Variants in THSD7A observed in about 807,000 individuals in gnomAD.
The protein encoded by THSD7A is thrombospondin type-1 domain-containing protein 7A.
Under a neutral mutation model 231.3 loss-of-function variants are expected in THSD7A, and 96 were observed. The ratio of observed to expected loss-of-function variants is 0.41; its 90% confidence interval spans 0.35 to 0.49. The LOEUF is 0.49. THSD7A is among the 20% of genes least tolerant of loss of function. THSD7A has a pLI of 0.05. For synonymous variants in THSD7A, 940 were observed against 743.3 expected (o/e 1.26, Z -4.30); for missense variants, 2,290 against 2,070.2 (o/e 1.11, Z -2.06).
At chr7:11,423,697 T>A (rs1784227888) in intron 16 of THSD7A, among the ~76,000 whole-genome samples, 1 of 152,042 alleles carries the variant, frequency 6.6e-6, no homozygotes, top group Non-Finnish European at 1.5e-5. Flanking sequence ...GAAACCAGTG[T>A]ATTTAAAAAG....
rs555193659 is a variant in THSD7A at position 11,777,115 on chromosome 7, G to A, written c.190+54642C>T. Reference sequence around the variant, plus strand: ...AAATGACCAGAGATAATGTGCGAGCGAAAAATGCAAAAAGTATATAAATTG... The same window carrying A: ...AAATGACCAGAGATAATGTGCGAGCAAAAAATGCAAAAAGTATATAAATTG... On this transcript the variant is annotated intron_variant, in intron 1 of 27. Transcript: ENST00000423059. Among the ~76,000 whole-genome samples, 207 of 152,056 alleles carry A rather than the reference G, an allele frequency of 1.4e-3. 1 individual carries two copies. Among genetic ancestry groups the A allele is most frequent in the East Asian group, 5.8e-4 (3 of 5,160 alleles).
In THSD7A at chr7:11,446,124, G is replaced by C. The variant is rs1784961039; in HGVS notation, c.3001C>G (p.Gln1001Glu). 2.5e-6 allele frequency: 4 copies of C among 1,613,290 alleles called. No individual in the cohort carries two copies. Among genetic ancestry groups the C allele is most frequent in the Non-Finnish European group, 3.4e-6 (4 of 1,179,596 alleles). ...IKECGQGYRY[Q>E]AMACYDQNGR... ...TTTTGATCGTAGCATGCCATTGCTT[G>C]GTAACGATATCCTTGTCCGCATTCC... Residue 1001 changes from glutamine to glutamate, a missense_variant, in exon 13 of 28, where the codon CAA becomes GAA. Gln to Glu is a conservative substitution (Grantham distance 29). Transcript: ENST00000423059. The surrounding 1 kb of genome is among the most constrained non-coding windows in gnomAD (Gnocchi z 4.0).
intron 4 of THSD7A, among the ~76,000 whole-genome samples, chr7:11,551,432 T>C (rs539312511): frequency 4.1e-4 from 63 of 152,146 alleles, no homozygotes; most frequent in African/African-American, 1.4e-3. Flanking sequence ...AGAGAAAATA[T>C]TGCAAAGTAT....
At chr7:11,633,007 C>T (rs1269991595) in intron 2 of THSD7A, among the ~76,000 whole-genome samples, 2 of 152,136 alleles carry the variant, frequency 1.3e-5, no homozygotes, top group African/African-American at 4.8e-5. Context: ...TTCTCTATGT[C>T]ATTGACTCTT....
chr7:11,644,383 G>C (rs1263276807), intron 1 of THSD7A, among the ~76,000 whole-genome samples: 1 of 151,840 alleles, frequency 6.6e-6, no homozygotes, highest in East Asian at 1.9e-4. Flanking sequence ...ATAGATTTTT[G>C]AATATACAAA....
chr7:11,479,003 C>T (rs933932396), intron 7 of THSD7A, among the ~76,000 whole-genome samples: 1 of 152,114 alleles, frequency 6.6e-6, no homozygotes, highest in African/African-American at 2.4e-5. Flanking sequence ...TGCTTAAAAT[C>T]GACAGATAGA....
chr7:11,520,308 T>C (rs1788209257), intron 6 of THSD7A: 1 of 152,194 alleles, frequency 6.6e-6, no homozygotes. Flanking sequence ...TATAAATCCT[T>C]TGGAGGGCTG....
Position 11,824,576 on chromosome 7 carries a change from A to T in THSD7A, c.190+7181T>A, listed in dbSNP as rs148408537. Among the ~76,000 whole-genome samples the T allele has an allele frequency of 1.8e-3, 279 of 152,262 alleles. 1 individual carries two copies. Among genetic ancestry groups the T allele is most frequent in the African/African-American group, 6.1e-3 (252 of 41,580 alleles). On this transcript the variant is annotated intron_variant, in intron 1 of 27. Coordinates refer to ENST00000423059, the MANE Select transcript of THSD7A (RefSeq NM_015204.3). Reference sequence around the variant, plus strand: ...CCAGATAGTTGTGTATAATTTTCAGAAGGAGTGACCTAAGTTACTCCAGTT... The same window carrying T: ...CCAGATAGTTGTGTATAATTTTCAGTAGGAGTGACCTAAGTTACTCCAGTT...
At chr7:11,494,951 C>T (rs1002244693) in intron 6 of THSD7A, among the ~76,000 whole-genome samples, 1 of 151,904 alleles carries the variant, frequency 6.6e-6, no homozygotes, top group Non-Finnish European at 1.5e-5. Flanking sequence ...TGGAAATAAT[C>T]AAATGTATGA....
chr7:11,497,885 G>A (rs1312442519), intron 6 of THSD7A, among the ~76,000 whole-genome samples: 1 of 152,160 alleles, frequency 6.6e-6, no homozygotes, highest in East Asian at 1.9e-4. Context: ...CCTGCCCAGG[G>A]AAGTGATGAG....
chr7:11,771,285 T>C (rs1297576229), intron 1 of THSD7A, among the ~76,000 whole-genome samples: 2 of 151,760 alleles, frequency 1.3e-5, no homozygotes, highest in Admixed American at 1.3e-4. Context: ...ATAATAAAGA[T>C]GAATAAGTGA....
At position 11,814,654 on chromosome 7, in the gene THSD7A, A is replaced by G. The variant is rs1784626054; in HGVS notation, c.190+17103T>C. 1.3e-5 allele frequency among the ~76,000 whole-genome samples: 2 copies of G among 152,180 alleles called. No homozygotes were observed. Among genetic ancestry groups the G allele is most frequent in the South Asian group, 4.1e-4 (2 of 4,830 alleles). The stretch of plus-strand genomic sequence containing the variant: ...GAAGCAGTTCAAAACCAGTTCTCTT[A>G]TACAATGAGCCAAGAGAACTAAAGA... On this transcript the variant is annotated intron_variant, in intron 1 of 27. Transcript: ENST00000423059. The surrounding 1 kb of genome is among the most constrained non-coding windows in gnomAD (Gnocchi z 5.1).
At chr7:11,555,501 T>C (rs1789807766) in intron 4 of THSD7A, among the ~76,000 whole-genome samples, 1 of 151,888 alleles carries the variant, frequency 6.6e-6, no homozygotes, top group African/African-American at 2.4e-5. Context: ...TCTATTTTGG[T>C]ATATGTTTCA....
chr7:11,654,742 C>T (rs745472977), intron 1 of THSD7A, among the ~76,000 whole-genome samples: 5 of 151,846 alleles, frequency 3.3e-5, no homozygotes, highest in African/African-American at 4.8e-5. Flanking sequence ...TTTGAAGACA[C>T]ATGCAGATGA....
chr7:11,392,231 C>T (rs944935080), intron 23 of THSD7A, among the ~76,000 whole-genome samples: 1 of 151,944 alleles, frequency 6.6e-6, no homozygotes, highest in Non-Finnish European at 1.5e-5. Context: ...ACAGTAAGTG[C>T]AGCCCATGGA....
intron 2 of THSD7A, among the ~76,000 whole-genome samples, chr7:11,598,894 A>G (rs1780457773): frequency 6.6e-6 from 1 of 152,114 alleles, no homozygotes; most frequent in Non-Finnish European, 1.5e-5. Flanking sequence ...ATTCCATTAA[A>G]CTGGAAGTTA....
In THSD7A at chr7:11,375,653, T is replaced by C. The variant is rs891082977; in HGVS notation, c.*141A>G. The C allele has an allele frequency of 1.5e-6, 1 of 663,456 alleles. No individual in the cohort carries two copies. Among genetic ancestry groups the C allele is most frequent in the Non-Finnish European group, 2.6e-6 (1 of 388,582 alleles). 41.1% of individuals were successfully genotyped at this position (663,456 alleles called of 1,614,324 possible). On this transcript the variant is annotated 3_prime_UTR_variant, in exon 28 of 28. Coordinates refer to ENST00000423059, the MANE Select transcript of THSD7A (RefSeq NM_015204.3). ...TTAAATATCTCCAGTGGCAGTATGA[T>C]TTTCACTCTTGTCTTTATGATGCCA... is the stretch of plus-strand genomic sequence containing the variant.
chr7:11,394,453 C>T (rs980285575), intron 23 of THSD7A, among the ~76,000 whole-genome samples: 11 of 152,048 alleles, frequency 7.2e-5, no homozygotes, highest in Non-Finnish European at 1.5e-4. Context: ...AGCAGGCCTT[C>T]GGAAAGGTGC....
At chr7:11,667,646 C>G (rs1018112605) in intron 1 of THSD7A, among the ~76,000 whole-genome samples, 1 of 152,022 alleles carries the variant, frequency 6.6e-6, no homozygotes, top group Admixed American at 6.6e-5. Context: ...AGGAGAGGTT[C>G]TTTTTGGGCC....
Sources: allele counts gnomAD v4.1 joint callset (sites outside exome capture counted in the v4.1 genomes callset), GRCh38; gene constraint gnomAD v4.1.1; non-coding constraint Gnocchi (gnomAD v3.1); transcripts MANE v1.5; gene names NCBI Gene and HGNC (gene_info 2026-07-23, HGNC 2026-07-21).